The following SETD5 variants were observed in gnomAD, a reference collection of about 807,000 sequenced individuals.
The protein encoded by SETD5 is SET domain containing 5, also known as histone-lysine N-methyltransferase SETD5.
A neutral mutation model predicts 153.3 loss-of-function variants in SETD5; 44 were observed. That is an observed-to-expected ratio of 0.29 (90% CI 0.23 to 0.37). The LOEUF (loss-of-function observed/expected upper bound fraction) is 0.37. Ranked by LOEUF, SETD5 falls within the 10% of genes least tolerant of loss-of-function variation. The pLI is 1.00. For synonymous variants in SETD5, 716 were observed against 645.2 expected (o/e 1.11, Z -1.66); for missense variants, 1,544 against 1,768.0 (o/e 0.87, Z 2.27).
chr3:9,400,683 GAT>G (rs2034619056), intron 1 of SETD5, among the ~76,000 whole-genome samples: 1 of 152,080 alleles, frequency 6.6e-6, no homozygotes, highest in Non-Finnish European at 1.5e-5. Context: ...ATACATGTTG[GAT>G]ATAGCCTTCT....
At chr3:9,452,704 G>A (rs2625164) in intron 16 of SETD5, among the ~76,000 whole-genome samples, 132,260 of 135,248 alleles carry the variant, frequency 0.98, 64,649 homozygotes, top group Middle Eastern at 1. Flanking sequence ...TTTGTGGATT[G>A]TTTCCTAGGT....
intron 16 of SETD5, among the ~76,000 whole-genome samples, chr3:9,449,977 G>C (rs1213426092): frequency 1.3e-5 from 2 of 152,194 alleles, no homozygotes; most frequent in African/African-American, 4.8e-5. Context: ...TTACAGATAA[G>C]TAATGAAGTC....
At chr3:9,429,540 A>G (rs1417472199) in intron 3 of SETD5, among the ~76,000 whole-genome samples, 1 of 152,158 alleles carries the variant, frequency 6.6e-6, no homozygotes. Flanking sequence ...AGGACCTTCA[A>G]AATCAGTGGT....
chr3:9,452,577 T>G (rs1026313875), intron 16 of SETD5, among the ~76,000 whole-genome samples: 2 of 144,606 alleles, frequency 1.4e-5, no homozygotes, highest in Non-Finnish European at 1.5e-5. Flanking sequence ...CCTTGTTCAC[T>G]CTTCCTTCCA....
At position 9,434,177 on chromosome 3, in the gene SETD5, A is replaced by C; in HGVS notation, c.178-157A>C. On this transcript the variant is annotated intron_variant, in intron 4 of 22. Transcript: ENST00000402198. This position sits in a 1 kb window ranked among gnomAD's most constrained non-coding sequence, Gnocchi z 5.6. ...ACTTTCCTGGTTGAAGCCAAAAAAC[A>C]AAGGGTACTACTTTCTTCTTTCTTT... The C allele has an allele frequency of 6.5e-7, 1 of 1,549,848 alleles. No individual in the cohort carries two copies. The highest frequency in any genetic ancestry group is 1.7e-4 in the Middle Eastern group (1 of 5,990).
rs1559474849 is a variant in SETD5, at chr3:9,464,524, C to T, written c.2576C>T (p.Pro859Leu). 1 of 1,613,976 alleles carries T rather than the reference C, an allele frequency of 6.2e-7. No individual in the cohort carries two copies. Among genetic ancestry groups the T allele is most frequent in the Non-Finnish European group, 8.5e-7 (1 of 1,179,886 alleles). Residue 859 changes from proline (P) to leucine (L), a missense_variant, in exon 18 of 23, where the codon CCC becomes CTC. By Grantham distance (98) the Pro-to-Leu change is moderately conservative. Coordinates refer to ENST00000402198, the MANE Select transcript of SETD5 (RefSeq NM_001080517.3). ...RPLSPVTPPP[P>L]NSGSKSPQLA... ...CTGTCTCCAGTCACACCACCCCCTC[C>T]CAATTCAGGCTCAAAGAGTCCCCAG...
chr3:9,462,581 C>T (rs1174746494), intron 17 of SETD5, among the ~76,000 whole-genome samples: 2 of 133,256 alleles, frequency 1.5e-5, no homozygotes, highest in South Asian at 2.4e-4. Context: ...AGCAAGAGTC[C>T]GTCTCAAAAA....
rs971640689 is a variant in SETD5, at chr3:9,431,153, C to T, written c.71+2144C>T. 1.4e-5 allele frequency: 14 copies of T among 985,212 alleles called. No individual in the cohort carries two copies. In the African/African-American group the frequency reaches 1.9e-4, roughly 14 times the overall value. 61.0% of individuals were successfully genotyped at this position (985,212 alleles called of 1,614,324 possible). The stretch of plus-strand genomic sequence containing the variant: ...AATCTGATGGCAACTATATGCAATA[C>T]GCATTTATTTTTGTGTGTGTTTGTA... On this transcript the variant is annotated intron_variant, in intron 3 of 22. Coordinates refer to ENST00000402198, the MANE Select transcript of SETD5 (RefSeq NM_001080517.3).
At chr3:9,472,931 C>G (rs1038289402) in intron 19 of SETD5, among the ~76,000 whole-genome samples, 3 of 152,122 alleles carry the variant, frequency 2.0e-5, no homozygotes, top group African/African-American at 4.8e-5. Flanking sequence ...TAATGGTAAC[C>G]TCACAAGTTT....
intron 20 of SETD5, 66 bp from the exon 21 acceptor site, chr3:9,474,383 T>C (rs896759210): frequency 2.6e-6 from 4 of 1,566,060 alleles, no homozygotes; most frequent in African/African-American, 2.7e-5. Context: ...CACTGTGCAC[T>C]GGTTAGGGCT....
At chr3:9,455,085 T>A (rs538016777) in intron 17 of SETD5, among the ~76,000 whole-genome samples, 2 of 152,158 alleles carry the variant, frequency 1.3e-5, no homozygotes, top group Admixed American at 1.3e-4. Context: ...TCAGAACTTT[T>A]CTTAAAGTTC....
intron 1 of SETD5, among the ~76,000 whole-genome samples, chr3:9,403,516 A>G (rs1026191069): frequency 1.3e-5 from 2 of 152,196 alleles, no homozygotes; most frequent in Non-Finnish European, 2.9e-5. Context: ...ATTTTATTTC[A>G]TTAAGATAGG....
In SETD5 at chr3:9,445,988, T is replaced by TTA. The variant is rs1260243657; in HGVS notation, c.1524+248_1524+249insTA. On this transcript the variant is annotated intron_variant, in intron 13 of 22. Transcript: ENST00000402198. ...TTGTTTTTTTTTTTTTTTTTTTTTT[T>TTA]ACTAACAATCTGGTTTCCGCTGGGC... Among the ~76,000 whole-genome samples the TTA allele has an allele frequency of 4.2e-3, 609 of 145,614 alleles. 5 individuals are homozygous for TTA. The highest frequency in any genetic ancestry group is 7.0e-3 in the Non-Finnish European group (471 of 66,832).
Position 9,434,132 on chromosome 3 carries a change from C to T in SETD5, c.177+182C>T. ...GTTCTTGTTTTTATGTCCCAGTTGA[C>T]CTTGGCATTTTGTTTTATCACTTTC... On this transcript the variant is annotated intron_variant, in intron 4 of 22. Coordinates refer to ENST00000402198, the MANE Select transcript of SETD5 (RefSeq NM_001080517.3). This position sits in a 1 kb window ranked among gnomAD's most constrained non-coding sequence, Gnocchi z 5.6. The T allele has an allele frequency of 6.5e-7, 1 of 1,548,668 alleles. No homozygotes were observed. Among genetic ancestry groups the T allele is most frequent in the Non-Finnish European group, 8.7e-7 (1 of 1,148,144 alleles).
intron 1 of SETD5, among the ~76,000 whole-genome samples, chr3:9,413,119 TG>T (rs1174225746): frequency 1.5e-4 from 23 of 152,154 alleles, no homozygotes; most frequent in African/African-American, 5.6e-4. Flanking sequence ...CATAATCAGA[TG>T]TTTCAGTCTT....
intron 1 of SETD5, among the ~76,000 whole-genome samples, chr3:9,413,935 G>A (rs377465921): frequency 5.9e-5 from 9 of 151,942 alleles, no homozygotes; most frequent in Non-Finnish European, 1.0e-4. Context: ...GCGCCACCAC[G>A]CCCAGCTAAT....
intron 1 of SETD5, among the ~76,000 whole-genome samples, chr3:9,416,854 C>G (rs374796824): frequency 4.0e-5 from 6 of 151,822 alleles, no homozygotes; most frequent in Admixed American, 2.0e-4. Flanking sequence ...TAAGATTGGC[C>G]ATGAATTGAT....
At chr3:9,429,721 A>T in intron 3 of SETD5, 1 of 591,940 alleles carries the variant, frequency 1.7e-6, no homozygotes, top group Non-Finnish European at 2.5e-6. Context: ...TAAAATTTTT[A>T]GTCTTTTGTA....
intron 21 of SETD5, 33 bp downstream of exon 21, chr3:9,474,615 C>T: frequency 6.2e-7 from 1 of 1,611,032 alleles, no homozygotes; most frequent in Non-Finnish European, 8.5e-7. Context: ...CCACCACATT[C>T]AGGGACACAT....
Sources: gnomAD v4.1 joint callset for allele counts (sites outside exome capture counted in the v4.1 genomes callset) on GRCh38, gnomAD v4.1.1 for gene constraint, Gnocchi (gnomAD v3.1) non-coding constraint, MANE v1.5 for transcripts, NCBI Gene and HGNC (gene_info 2026-07-23, HGNC 2026-07-21) for gene names.